CLOCK: variants seen among roughly 807,000 people sequenced by gnomAD.
CLOCK encodes circadian locomoter output cycles protein kaput.
In CLOCK, 43 loss-of-function variants were observed where a neutral mutation model predicts 118.4. The observed-to-expected ratio is 0.36, with a 90% CI of 0.28 to 0.47. The LOEUF is 0.47. Among genes scored for constraint, CLOCK ranks in the 20% least tolerant of loss-of-function variants. CLOCK has a pLI of 1.00. For missense variants in CLOCK, 846 were observed against 999.9 expected, an observed-to-expected ratio of 0.85 and a Z score of 2.08; for synonymous variants, 326 against 339.2, an observed-to-expected ratio of 0.96 and a Z score of 0.43.
intron 1 of CLOCK, among the ~76,000 whole-genome samples, chr4:55,542,382 T>A (rs11735846): frequency 4.2e-4 from 14 of 33,546 alleles, no homozygotes; most frequent in African/African-American, 1.4e-3. Context: ...AATAATAATA[T>A]TATTATTATT....
At chr4:55,442,656 T>C in intron 20 of CLOCK, 22 bp from the exon 21 acceptor site, 1 of 1,577,462 alleles carries the variant, frequency 6.3e-7, no homozygotes, top group Non-Finnish European at 8.7e-7. Context: ...AAAGAGATTT[T>C]ATAGACAGAT....
intron 1 of CLOCK, among the ~76,000 whole-genome samples, chr4:55,543,762 G>C (rs1731433935): frequency 6.6e-6 from 1 of 151,120 alleles, no homozygotes; most frequent in Non-Finnish European, 1.5e-5. Flanking sequence ...TGGTGACAGA[G>C]CAAGACTCCG....
intron 2 of CLOCK, among the ~76,000 whole-genome samples, chr4:55,497,635 C>T (rs1728170366): frequency 6.6e-6 from 1 of 152,156 alleles, no homozygotes; most frequent in Non-Finnish European, 1.5e-5. Flanking sequence ...CTTAACCTTT[C>T]ATATTTCTTA....
intron 21 of CLOCK, among the ~76,000 whole-genome samples, chr4:55,440,925 C>G (rs1021718655): frequency 2.0e-5 from 3 of 152,126 alleles, no homozygotes; most frequent in African/African-American, 7.2e-5. Flanking sequence ...CCTGACCACA[C>G]CTTTATTCAC....
At position 55,456,184 on chromosome 4, in the gene CLOCK, A is replaced by G. The variant is rs1054744815; in HGVS notation, c.875+34T>C. ...ATTTCAAGAATTATATAACATGACT[A>G]TTACCTTTTCATGGAATTTAAAAAT... On this transcript the variant is annotated intron_variant, in intron 12 of 22. Coordinates refer to ENST00000513440, the MANE Select transcript of CLOCK (RefSeq NM_004898.4). 5.5e-6 allele frequency: 8 copies of G among 1,467,280 alleles called. No individual in the cohort carries two copies. In the Admixed American group the frequency reaches 1.0e-4, roughly 19 times the overall value. 90.9% of individuals were successfully genotyped at this position (1,467,280 alleles called of 1,614,324 possible). A position where few individuals can be genotyped will look rare whatever the true frequency, so the allele number is the denominator to read the frequency against.
chr4:55,518,958 T>A (rs1230523697), intron 1 of CLOCK, among the ~76,000 whole-genome samples: 2 of 152,180 alleles, frequency 1.3e-5, no homozygotes, highest in African/African-American at 2.4e-5. Flanking sequence ...TAACCTTATA[T>A]TCTGCCCCCC....
At position 55,430,389 on chromosome 4, in the gene CLOCK, T is replaced by G. The variant is rs1387624421; in HGVS notation, c.*5026A>C. ...AAACAAGGAATGTAGTGTTATGACA[T>G]AGGGGGAAAAAACTATGCAAAACAG... On this transcript the variant is annotated 3_prime_UTR_variant, in exon 23 of 23. Transcript: ENST00000513440. The G allele has an allele frequency of 6.6e-6, 1 of 152,136 alleles. No individual in the cohort carries two copies. The highest frequency in any genetic ancestry group is 2.4e-5 in the African/African-American group (1 of 41,430). 9.4% of individuals were successfully genotyped at this position (152,136 alleles called of 1,614,324 possible).
rs780830912 is a variant in CLOCK at position 55,444,649 on chromosome 4, T to C, written c.1676A>G (p.His559Arg). ...RKIQEQLQMV[H>R]GQGLQMFLQQ... ...AACAATTACCTGCAGCCCCTGACCA[T>C]GGACCATCTGAAGTTGTTCTTGAAT... The change falls in exon 19 of 23, where the codon CAT (histidine) becomes CGT (arginine). Residue 559 changes from histidine to arginine, a missense_variant. Physicochemically the swap from His to Arg is conservative, Grantham distance 29. Around this residue, in one of 4 missense-constraint regions of CLOCK, gnomAD observed 520 missense variants for 558.0 expected, o/e 0.93. Transcript: ENST00000513440. 3 of 1,614,014 alleles carry C rather than the reference T, an allele frequency of 1.9e-6. No homozygotes were observed. The highest frequency in any genetic ancestry group is 2.5e-6 in the Non-Finnish European group (3 of 1,180,010).
chr4:55,546,772 C>G lies in CLOCK; in HGVS notation c.-290+10G>C, dbSNP rs1445993493. On this transcript the variant is annotated intron_variant, in intron 1 of 22. Coordinates refer to ENST00000513440, the MANE Select transcript of CLOCK (RefSeq NM_004898.4). ...GCAGGCCCTGGGCCCACCGGGCGGG[C>G]GCCTCTCACCGGGAGCGCTCGCGGC... The G allele has an allele frequency of 1.3e-5, 2 of 152,164 alleles. No homozygotes were observed. Among genetic ancestry groups the G allele is most frequent in the Non-Finnish European group, 2.9e-5 (2 of 68,076 alleles). The allele number at this position is 152,164 out of a possible 1,614,324, so 9.4% of individuals were successfully genotyped here. A position where few individuals can be genotyped will look rare whatever the true frequency, so the allele number is the denominator to read the frequency against.
intron 6 of CLOCK, among the ~76,000 whole-genome samples, 161 bp downstream of exon 6, chr4:55,478,654 G>T (rs1050462823): frequency 6.6e-6 from 1 of 152,140 alleles, no homozygotes; most frequent in Non-Finnish European, 1.5e-5. Flanking sequence ...CGGAATAAAT[G>T]TTTGTTGAAT....
At chr4:55,442,342 C>T in intron 21 of CLOCK, 90 bp downstream of exon 21, 2 of 1,133,100 alleles carry the variant, frequency 1.8e-6, no homozygotes, top group South Asian at 1.3e-5. Context: ...ATTAAAATCA[C>T]ATTAAAAAAT....
chr4:55,506,708 C>T (rs1382762926), intron 2 of CLOCK, among the ~76,000 whole-genome samples: 2 of 152,038 alleles, frequency 1.3e-5, no homozygotes, highest in African/African-American at 2.4e-5. Flanking sequence ...TACAGGCTCC[C>T]GCCACCACAC....
At chr4:55,506,813 G>A (rs890491093) in intron 2 of CLOCK, among the ~76,000 whole-genome samples, 2 of 151,958 alleles carry the variant, frequency 1.3e-5, no homozygotes, top group Admixed American at 6.6e-5. Flanking sequence ...CACCCACCTC[G>A]GCCTTCCAAA....
chr4:55,502,036 G>A (rs953982734), intron 2 of CLOCK, among the ~76,000 whole-genome samples: 4 of 152,152 alleles, frequency 2.6e-5, no homozygotes, highest in African/African-American at 4.8e-5. Flanking sequence ...GTTTTTACAC[G>A]TAAAATAACA....
chr4:55,450,142 A>G lies in CLOCK; in HGVS notation c.1297T>C (p.Ser433Pro). The change falls in exon 16 of 23, where the codon TCT (serine) becomes CCT (proline). Residue 433 changes from serine to proline, a missense_variant. Ser to Pro is a moderately conservative substitution (Grantham distance 74). Around this residue, in one of 4 missense-constraint regions of CLOCK, gnomAD observed 520 missense variants for 558.0 expected, o/e 0.93. Transcript: ENST00000513440. The part of the protein sequence containing the change: ...RFDHSPTPSA[S>P]SRSSRKSSHT... ...GATGATTTTCTTGAACTCCGAGAAG[A>G]GGCAGAAGGGGTTGGGCTGTGATCA... 5.6e-6 allele frequency: 9 copies of G among 1,614,076 alleles called. No homozygotes were observed. Among genetic ancestry groups the G allele is most frequent in the Non-Finnish European group, 7.6e-6 (9 of 1,180,002 alleles).
chr4:55,431,084 CA>C lies in CLOCK; in HGVS notation c.*4330del, dbSNP rs1300695443. 1 of 152,256 alleles carries C rather than the reference CA, an allele frequency of 6.6e-6. No homozygotes were observed. The highest frequency in any genetic ancestry group is 1.5e-5 in the Non-Finnish European group (1 of 68,010). The allele number at this position is 152,256 out of a possible 1,614,324, so 9.4% of individuals were successfully genotyped here. ...GTTAACGCCTAAGAATAAACTTTAT[CA>C]AAATGAGTAATTGCAATAAAGTGCT... On this transcript the variant is annotated 3_prime_UTR_variant, in exon 23 of 23. Transcript: ENST00000513440.
intron 21 of CLOCK, among the ~76,000 whole-genome samples, chr4:55,441,954 C>T (rs1457844861): frequency 6.6e-6 from 1 of 152,210 alleles, no homozygotes; most frequent in Non-Finnish European, 1.5e-5. Flanking sequence ...TGGCTAATTA[C>T]TGAAAACTCA....
chr4:55,455,781 C>T, intron 13 of CLOCK, 116 bp downstream of exon 13: 1 of 794,086 alleles, frequency 1.3e-6, no homozygotes, highest in East Asian at 2.5e-5. Context: ...AATCTTTTAG[C>T]ATATTTCAAA....
chr4:55,498,457 C>CT (rs1728223766), intron 2 of CLOCK, among the ~76,000 whole-genome samples: 3 of 152,036 alleles, frequency 2.0e-5, no homozygotes, highest in Admixed American at 2.0e-4. Flanking sequence ...ATCATTATAT[C>CT]TAAGTTTATA....
Sources: allele counts gnomAD v4.1 joint callset (sites outside exome capture counted in the v4.1 genomes callset), GRCh38; gene constraint gnomAD v4.1.1; regional missense constraint gnomAD v4.1.1; transcripts MANE v1.5; gene names NCBI Gene and HGNC (gene_info 2026-07-23, HGNC 2026-07-21).